CLK4: variants seen among roughly 807,000 people sequenced by gnomAD.
CLK4 encodes the protein CDC like kinase 4, also known as dual specificity protein kinase CLK4.
A neutral mutation model predicts 64.4 loss-of-function variants in CLK4; 37 were observed. The ratio of observed to expected loss-of-function variants is 0.57; its 90% confidence interval spans 0.44 to 0.76. CLK4 has a LOEUF of 0.76. Ranked by LOEUF, CLK4 falls within the 30% of genes least tolerant of loss-of-function variation. The probability of loss-of-function intolerance (pLI) is 0.00; values close to 1 mark genes in which losing one functional copy is unlikely to be tolerated. For synonymous variants in CLK4, 175 were observed against 191.6 expected, an observed-to-expected ratio of 0.91 and a Z score of 0.72; for missense variants, 457 against 605.1, an observed-to-expected ratio of 0.76 and a Z score of 2.57.
At chr5:178,623,049 C>A in intron 2 of CLK4, 1 of 520,114 alleles carries the variant, frequency 1.9e-6, no homozygotes, top group Non-Finnish European at 3.4e-6. Context: ...CACTCCCAGG[C>A]AGACAGACAT....
intron 10 of CLK4, among the ~76,000 whole-genome samples, 174 bp downstream of exon 10, chr5:178,608,202 C>T (rs1764494553): frequency 6.6e-6 from 1 of 152,170 alleles, no homozygotes. Context: ...TGATCACTCA[C>T]TCATAGTAAT....
intron 10 of CLK4, among the ~76,000 whole-genome samples, chr5:178,606,608 C>T (rs1362666886): frequency 1.3e-5 from 2 of 152,120 alleles, no homozygotes; most frequent in African/African-American, 2.4e-5. Flanking sequence ...CACAACACCT[C>T]GATCATACCA....
chr5:178,608,774 G>C (rs1016072501), intron 9 of CLK4, among the ~76,000 whole-genome samples: 1 of 152,192 alleles, frequency 6.6e-6, no homozygotes, highest in Non-Finnish European at 1.5e-5. Context: ...TATAATGGGA[G>C]AGCACTGCTG....
At chr5:178,621,123 G>A (rs892059435) in intron 2 of CLK4, among the ~76,000 whole-genome samples, 64 of 152,128 alleles carry the variant, frequency 4.2e-4, no homozygotes, top group African/African-American at 1.5e-3. Flanking sequence ...CTGCGTGCTA[G>A]GCTAAAGAGT....
intron 5 of CLK4, 106 bp from the exon 6 acceptor site, chr5:178,613,949 A>T: frequency 1.4e-6 from 1 of 738,096 alleles, no homozygotes; most frequent in African/African-American, 1.8e-5. Flanking sequence ...ATGCCATTTA[A>T]AATAATCTTT....
chr5:178,603,600 G>A lies in CLK4; in HGVS notation c.*17C>T. 1.3e-6 allele frequency: 2 copies of A among 1,538,124 alleles called. No individual in the cohort carries two copies. The highest frequency in any genetic ancestry group is 1.7e-6 in the Non-Finnish European group (2 of 1,146,928). On this transcript the variant is annotated 3_prime_UTR_variant, in exon 13 of 13. Transcript: ENST00000316308. ...TCTCTTCTAGAGAAGTATATAGTAA[G>A]ACCACTGATTCCCATTTCATTTCTT...
At chr5:178,626,626 C>A (rs1764785212) in intron 1 of CLK4, among the ~76,000 whole-genome samples, 3 of 152,224 alleles carry the variant, frequency 2.0e-5, no homozygotes, top group Admixed American at 2.0e-4. Context: ...CCCGACAGGT[C>A]CTAGCGCCCG....
At chr5:178,607,881 T>A (rs1181523600) in intron 10 of CLK4, among the ~76,000 whole-genome samples, 2 of 152,190 alleles carry the variant, frequency 1.3e-5, no homozygotes, top group Non-Finnish European at 2.9e-5. Context: ...CTTTCCAATG[T>A]CTTTTGCATG....
In CLK4 at chr5:178,613,659, T is replaced by C; in HGVS notation, c.660-20A>G. The C allele has an allele frequency of 1.2e-6, 2 of 1,606,752 alleles. No individual in the cohort carries two copies. Among genetic ancestry groups the C allele is most frequent in the Non-Finnish European group, 1.7e-6 (2 of 1,176,206 alleles). On this transcript the variant is annotated intron_variant, in intron 6 of 12. Coordinates refer to ENST00000316308, the MANE Select transcript of CLK4 (RefSeq NM_020666.3). Reference sequence around the variant, plus strand: ...CATCGGCTAAAACAGAGCAAAATAATAATTCAGTTTATGGAAACCTGAATA... The same window carrying C: ...CATCGGCTAAAACAGAGCAAAATAACAATTCAGTTTATGGAAACCTGAATA...
chr5:178,609,293 G>A (rs750260941), intron 9 of CLK4, among the ~76,000 whole-genome samples: 23 of 152,158 alleles, frequency 1.5e-4, no homozygotes, highest in Non-Finnish European at 2.9e-4. Flanking sequence ...TGAAGTTAAA[G>A]ATAAAAGAAG....
intron 1 of CLK4, 24 bp from the exon 2 acceptor site, chr5:178,623,440 A>G: frequency 3.1e-6 from 5 of 1,596,662 alleles, no homozygotes; most frequent in Non-Finnish European, 4.3e-6. Flanking sequence ...TGAAAAGGGA[A>G]TTGTGGAGGT....
chr5:178,618,002 G>A (rs1267992124), intron 3 of CLK4: 1 of 151,474 alleles, frequency 6.6e-6, no homozygotes, highest in Non-Finnish European at 1.5e-5. Flanking sequence ...TCAAGCAGGT[G>A]AAGATGTCTG....
rs776424012 is a variant in CLK4, at chr5:178,610,788, T to C, written c.1051+1628A>G. 7.0e-4 allele frequency among the ~76,000 whole-genome samples: 106 copies of C among 151,780 alleles called. 1 individual carries two copies. The highest frequency in any genetic ancestry group is 4.7e-4 in the Non-Finnish European group (32 of 67,956). On this transcript the variant is annotated intron_variant, in intron 9 of 12. Transcript: ENST00000316308. ...CATAAAAATTAAAAAAAAAAAATCCTTGGCCGGGCGCGGTGGCTCACGCCT... is the reference window on the plus strand; with the variant it reads ...CATAAAAATTAAAAAAAAAAAATCCCTGGCCGGGCGCGGTGGCTCACGCCT...
At chr5:178,615,053 G>C (rs1001745895) in intron 5 of CLK4, among the ~76,000 whole-genome samples, 1 of 152,176 alleles carries the variant, frequency 6.6e-6, no homozygotes, top group South Asian at 2.1e-4. Flanking sequence ...GGCCAGATGT[G>C]GTACAGGTGT....
chr5:178,613,590 T>C lies in CLK4; in HGVS notation c.709A>G (p.Ile237Val), dbSNP rs1343920149. The stretch of plus-strand genomic sequence containing the variant: ...CTAAGTCCCAGTAGTTCAAACACAA[T>C]ACAAACATGACCATGATGATCAAAC... Reference protein sequence around the residue: ...EWFDHHGHVCIVFELLGLSTY... With the variant: ...EWFDHHGHVCVVFELLGLSTY... Residue 237 changes from isoleucine to valine, a missense_variant, in exon 7 of 13, where the codon ATT (isoleucine) becomes GTT (valine). Coordinates refer to ENST00000316308, the MANE Select transcript of CLK4 (RefSeq NM_020666.3). 2 of 1,611,378 alleles carry C rather than the reference T, an allele frequency of 1.2e-6. No homozygotes were observed. Among genetic ancestry groups the C allele is most frequent in the Non-Finnish European group, 1.7e-6 (2 of 1,179,324 alleles).
chr5:178,618,713 T>A lies in CLK4; in HGVS notation c.227A>T (p.Tyr76Phe). 6.2e-7 allele frequency: 1 copy of A among 1,614,044 alleles called. No individual in the cohort carries two copies. The highest frequency in any genetic ancestry group is 8.5e-7 in the Non-Finnish European group (1 of 1,179,934). ...ATATCCTTCACAGTAGTCATTCCTGTATTCGTCAACGTATCTCCGGTCCCG... is the reference window on the plus strand; with the variant it reads ...ATATCCTTCACAGTAGTCATTCCTGAATTCGTCAACGTATCTCCGGTCCCG... ...DYRDRRYVDE[Y>F]RNDYCEGYVP... The change falls in exon 3 of 13, where the codon TAC (tyrosine) becomes TTC (phenylalanine). Residue 76 changes from tyrosine (Y) to phenylalanine (F), a missense_variant. Physicochemically the swap from Tyr to Phe is conservative, Grantham distance 22. Coordinates refer to ENST00000316308, the MANE Select transcript of CLK4 (RefSeq NM_020666.3).
rs552418848 is a variant in CLK4 at position 178,611,675 on chromosome 5, C to A, written c.1051+741G>T. On this transcript the variant is annotated intron_variant, in intron 9 of 12. Coordinates refer to ENST00000316308, the MANE Select transcript of CLK4 (RefSeq NM_020666.3). ...TTCTGAACTACCAAGTCCCGTTGGA[C>A]ACACAAAAAAAGTAAAAAGTATTAA... Among the ~76,000 whole-genome samples, 13 of 152,260 alleles carry A rather than the reference C, an allele frequency of 8.5e-5. No individual in the cohort carries two copies. In the East Asian group the frequency reaches 1.7e-3, roughly 20 times the overall value.
chr5:178,612,932 C>G (rs1315157658), intron 7 of CLK4, 42 bp from the exon 8 acceptor site: 3 of 1,040,682 alleles, frequency 2.9e-6, no homozygotes, highest in Non-Finnish European at 4.4e-6. Flanking sequence ...CACTTACAAA[C>G]TTAATTTGTA....
At chr5:178,621,583 C>T (rs946025141) in intron 2 of CLK4, among the ~76,000 whole-genome samples, 18 of 152,004 alleles carry the variant, frequency 1.2e-4, no homozygotes, top group South Asian at 2.1e-4. Context: ...TATATGACAG[C>T]GGACAAATTC....
Sources: gnomAD v4.1 joint callset for allele counts (sites outside exome capture counted in the v4.1 genomes callset) on GRCh38, gnomAD v4.1.1 for gene constraint, MANE v1.5 for transcripts, NCBI Gene and HGNC (gene_info 2026-07-23, HGNC 2026-07-21) for gene names.